SAMD8: variants seen among roughly 807,000 people sequenced by gnomAD.
SAMD8 encodes the protein sterile alpha motif domain containing 8, also known as sphingomyelin synthase-related protein 1.
SAMD8 carries 20 observed loss-of-function variants against 42.0 expected under a neutral mutation model. That is an observed-to-expected ratio of 0.48 (90% CI 0.34 to 0.69). The LOEUF (loss-of-function observed/expected upper bound fraction) is 0.69. Ranked by LOEUF, SAMD8 falls within the 30% of genes least tolerant of loss-of-function variation. The pLI, the probability that SAMD8 is intolerant of heterozygous loss-of-function variation, is 0.01. For synonymous variants in SAMD8, 162 were observed against 173.0 expected (o/e 0.94, Z 0.50); for missense variants, 328 against 511.6 (o/e 0.64, Z 3.46).
intron 2 of SAMD8, 24 bp from the exon 3 acceptor site, chr10:75,164,621 C>A (rs773748463): frequency 1.2e-6 from 2 of 1,608,474 alleles, no homozygotes; most frequent in South Asian, 1.1e-5. Context: ...TTCTTCAATT[C>A]AAAATCATTT....
chr10:75,163,541 C>T (rs1023509345), intron 2 of SAMD8, among the ~76,000 whole-genome samples: 4 of 152,182 alleles, frequency 2.6e-5, no homozygotes, highest in Admixed American at 2.6e-4. Context: ...TCAAGCCATC[C>T]TCCCACCTCA....
chr10:75,158,810 A>G (rs1840481637), intron 2 of SAMD8, among the ~76,000 whole-genome samples: 1 of 152,152 alleles, frequency 6.6e-6, no homozygotes, highest in Non-Finnish European at 1.5e-5. Flanking sequence ...GTATAAGTGG[A>G]ACCATACAAT....
chr10:75,109,313 A>C, upstream of SAMD8: 2 of 716,294 alleles, frequency 2.8e-6, no homozygotes, highest in Admixed American at 4.1e-5. Context: ...TTTCCTCCCC[A>C]AGCCTCCCCC....
intron 1 of SAMD8, among the ~76,000 whole-genome samples, chr10:75,136,181 A>G (rs1292594206): frequency 6.6e-6 from 1 of 151,862 alleles, no homozygotes; most frequent in Non-Finnish European, 1.5e-5. Flanking sequence ...ACTACTGTTG[A>G]ACCTGCTTGG....
In SAMD8 at chr10:75,115,940, C is replaced by CA. The variant is rs35416435; in HGVS notation, c.-16+4237dup. On this transcript the variant is annotated intron_variant, in intron 1 of 5. Coordinates refer to ENST00000542569, the MANE Select transcript of SAMD8 (RefSeq NM_001174156.2). ...TGGGCAACAGAGCGAGACTCCGTCT[C>CA]AAAAAAAAAAAAAAAAAAAGACTAT... is the stretch of plus-strand genomic sequence containing the variant. Among the ~76,000 whole-genome samples the CA allele has an allele frequency of 9.8e-3, 672 of 68,234 alleles. 6 individuals are homozygous for CA. Among genetic ancestry groups the CA allele is most frequent in the Middle Eastern group, 0.021 (3 of 146 alleles). The allele number at this position is 68,234 out of a possible 152,430, so 44.8% of individuals were successfully genotyped here.
At chr10:75,116,056 T>G (rs1366944174) in intron 1 of SAMD8, among the ~76,000 whole-genome samples, 1 of 151,798 alleles carries the variant, frequency 6.6e-6, no homozygotes, top group East Asian at 1.9e-4. Flanking sequence ...AAGAGTGTTG[T>G]GGGGCAGGGC....
intron 2 of SAMD8, among the ~76,000 whole-genome samples, chr10:75,159,907 C>A (rs1840517317): frequency 6.6e-6 from 1 of 152,174 alleles, no homozygotes; most frequent in African/African-American, 2.4e-5. Flanking sequence ...GGGTCTGCTT[C>A]TGAAGCTTAT....
At chr10:75,137,550 A>G (rs1017126429) in intron 1 of SAMD8, among the ~76,000 whole-genome samples, 2 of 152,130 alleles carry the variant, frequency 1.3e-5, no homozygotes, top group African/African-American at 4.8e-5. Flanking sequence ...AAAAAAAAAA[A>G]AAAGAAAGAA....
intron 1 of SAMD8, among the ~76,000 whole-genome samples, chr10:75,148,371 T>TTTTTTTTTTTTTTTTTTTTTTTA (rs1840197755): frequency 9.0e-6 from 1 of 111,540 alleles, no homozygotes; most frequent in African/African-American, 3.3e-5. Flanking sequence ...TTTTTTTTTT[T>TTTTTTTTTTTTTTTTTTTTTTTA]GAGACAGAGT....
At chr10:75,134,741 T>G (rs529406815) in intron 1 of SAMD8, among the ~76,000 whole-genome samples, 1 of 152,144 alleles carries the variant, frequency 6.6e-6, no homozygotes, top group South Asian at 2.1e-4. Flanking sequence ...GCTAGAAGAT[T>G]TTGAATGTTA....
chr10:75,176,068 A>T lies in SAMD8; in HGVS notation c.795A>T (p.Ile265=). 1 of 1,613,732 alleles carries T rather than the reference A, an allele frequency of 6.2e-7. No homozygotes were observed. ...TAATTCATAACTTTTCTTCATAGAT[A>T]TATGGCAGTGTATGGGAGAAATTAC... ...PGQHLQCTGK[I]YGSVWEKLHR... Residue 265 remains isoleucine (I), a splice_region_variant and synonymous_variant, in exon 5 of 6, where the codon ATA becomes ATT. Transcript: ENST00000542569. This position sits in a 1 kb window ranked among gnomAD's most constrained non-coding sequence, Gnocchi z 4.3.
chr10:75,150,171 G>T (rs1262780165), intron 1 of SAMD8, among the ~76,000 whole-genome samples: 1 of 151,396 alleles, frequency 6.6e-6, no homozygotes, highest in East Asian at 1.9e-4. Context: ...GAGTGCAGTG[G>T]CACAACCATG....
chr10:75,170,979 T>G (rs935331607), intron 4 of SAMD8, among the ~76,000 whole-genome samples: 4 of 151,408 alleles, frequency 2.6e-5, no homozygotes, highest in Non-Finnish European at 5.9e-5. Flanking sequence ...CAGGCTGGTC[T>G]CGAACTCCTG....
Position 75,121,488 on chromosome 10 carries a change from T to G in SAMD8, c.-16+9766T>G, listed in dbSNP as rs1365681445. 2.6e-5 allele frequency among the ~76,000 whole-genome samples: 4 copies of G among 152,324 alleles called. No individual in the cohort carries two copies. The East Asian group carries it at 7.7e-4, about 29-fold the overall frequency. On this transcript the variant is annotated intron_variant, in intron 1 of 5. Coordinates refer to ENST00000542569, the MANE Select transcript of SAMD8 (RefSeq NM_001174156.2). ...GATTTACAAAACACAACACGTTTAA[T>G]GTTTCAAATTACTTTCTGTTTGTAA...
At chr10:75,170,468 TA>T (rs1357241080) in intron 4 of SAMD8, among the ~76,000 whole-genome samples, 1 of 152,020 alleles carries the variant, frequency 6.6e-6, no homozygotes, top group African/African-American at 2.4e-5. Context: ...GACTGACCAG[TA>T]AGAAAGGGGG....
In SAMD8 at chr10:75,164,721, C is replaced by G. The variant is rs1202183101; in HGVS notation, c.655C>G (p.Leu219Val). 1 of 1,612,802 alleles carries G rather than the reference C, an allele frequency of 6.2e-7. No homozygotes were observed. Among genetic ancestry groups the G allele is most frequent in the East Asian group, 2.2e-5 (1 of 44,876 alleles). Reference sequence around the variant, plus strand: ...TCTGTGCTATATTTGGCTCCTGGTTCTTCTTCTTCACAAGCACAGGTACCT... The same window carrying G: ...TCTGTGCTATATTTGGCTCCTGGTTGTTCTTCTTCACAAGCACAGGTACCT... ...MILCYIWLLV[L>V]LLHKHRSILL... Residue 219 changes from leucine (L) to valine (V), a missense_variant, in exon 3 of 6, where the codon CTT becomes GTT. Physicochemically the swap from Leu to Val is conservative, Grantham distance 32. Coordinates refer to ENST00000542569, the MANE Select transcript of SAMD8 (RefSeq NM_001174156.2).
intron 1 of SAMD8, among the ~76,000 whole-genome samples, chr10:75,105,281 A>G (rs1848424324): frequency 6.6e-6 from 1 of 152,160 alleles, no homozygotes; most frequent in African/African-American, 2.4e-5. Flanking sequence ...GGGAGCCCCC[A>G]CAGGCTTTCA....
At chr10:75,164,428 C>T in intron 2 of SAMD8, 1 of 770,082 alleles carries the variant, frequency 1.3e-6, no homozygotes, top group Non-Finnish European at 1.6e-6. Flanking sequence ...TCAGAGAACC[C>T]TAACTGGGAA....
At chr10:75,169,394 A>G (rs1840788351) in intron 4 of SAMD8, among the ~76,000 whole-genome samples, 1 of 150,948 alleles carries the variant, frequency 6.6e-6, no homozygotes, top group African/African-American at 2.4e-5. Flanking sequence ...CTGAGGTTCA[A>G]TCGCTTGAAC....
Sources: gnomAD v4.1 joint callset for allele counts (sites outside exome capture counted in the v4.1 genomes callset) on GRCh38, gnomAD v4.1.1 for gene constraint, Gnocchi (gnomAD v3.1) non-coding constraint, MANE v1.5 for transcripts, NCBI Gene and HGNC (gene_info 2026-07-23, HGNC 2026-07-21) for gene names.